The following PPP1R9A variants were observed in gnomAD, a reference collection of about 807,000 sequenced individuals.
PPP1R9A encodes neurabin-1.
PPP1R9A carries 59 observed loss-of-function variants against 141.9 expected under a neutral mutation model. The ratio of observed to expected loss-of-function variants is 0.42; its 90% CI spans 0.34 to 0.52. PPP1R9A has a LOEUF of 0.52. Ranked by LOEUF, PPP1R9A falls within the 20% of genes least tolerant of loss-of-function variation. The pLI, the probability that PPP1R9A is intolerant of heterozygous loss-of-function variation, is 0.10. For synonymous variants in PPP1R9A, 500 were observed against 569.7 expected, an observed-to-expected ratio of 0.88 and a Z score of 1.74; for missense variants, 1,444 against 1,611.9, an observed-to-expected ratio of 0.90 and a Z score of 1.78.
At position 95,050,070 on chromosome 7, in the gene PPP1R9A, A is replaced by C. The variant is rs75820009; in HGVS notation, c.1396-61189A>C. Reference sequence around the variant, plus strand: ...GTTAGAGTATATTTAGTTTTGTACAAAATTGCCAAACTGTCTTCCAAAGTG... The same window carrying C: ...GTTAGAGTATATTTAGTTTTGTACACAATTGCCAAACTGTCTTCCAAAGTG... On this transcript the variant is annotated intron_variant, in intron 2 of 19. Transcript: ENST00000433360. Among the ~76,000 whole-genome samples, 341 of 152,296 alleles carry C rather than the reference A, an allele frequency of 2.2e-3. 4 individuals are homozygous for C. The highest frequency in any genetic ancestry group is 7.6e-3 in the African/African-American group (316 of 41,564).
chr7:95,275,047 G>T (rs1333803885), intron 16 of PPP1R9A, among the ~76,000 whole-genome samples: 1 of 152,122 alleles, frequency 6.6e-6, no homozygotes, highest in Non-Finnish European at 1.5e-5. Context: ...TGCCATTACT[G>T]TTACCTTATT....
chr7:95,205,011 C>T (rs985710286), intron 7 of PPP1R9A, among the ~76,000 whole-genome samples: 2 of 151,662 alleles, frequency 1.3e-5, no homozygotes, highest in Non-Finnish European at 2.9e-5. Flanking sequence ...ACACACCACA[C>T]ACACGCCACA....
chr7:94,941,638 G>A (rs369716782), intron 2 of PPP1R9A, among the ~76,000 whole-genome samples: 29 of 151,422 alleles, frequency 1.9e-4, no homozygotes, highest in African/African-American at 6.3e-4. Context: ...AGGCTGACCC[G>A]TTTCTCAAAA....
chr7:95,177,344 C>A (rs1833049379), intron 5 of PPP1R9A, among the ~76,000 whole-genome samples: 2 of 152,010 alleles, frequency 1.3e-5, no homozygotes, highest in South Asian at 4.2e-4. Flanking sequence ...TAACAAGCCA[C>A]CACTACAAGA....
rs1798160298 is a variant in PPP1R9A, at chr7:94,965,917, G to A, written c.1395+54409G>A. 2.0e-5 allele frequency among the ~76,000 whole-genome samples: 3 copies of A among 152,054 alleles called. 1 individual carries two copies. In the South Asian group the frequency reaches 6.2e-4, roughly 32 times the overall value. ...TCTATAAATTACTTTGGGCAGTATG[G>A]CCATTTTCACAATGTTGATTCTTCC... On this transcript the variant is annotated intron_variant, in intron 2 of 19. Coordinates refer to ENST00000433360, the MANE Select transcript of PPP1R9A (RefSeq NM_001166160.2).
rs148709163 is a variant in PPP1R9A, at chr7:94,964,144, G to T, written c.1395+52636G>T. On this transcript the variant is annotated intron_variant, in intron 2 of 19. Transcript: ENST00000433360. ...GTGCTCAAAATGTTTTGAATTTCTG[G>T]GTTAGGGTTGCCCAAACTGTACCAT... Among the ~76,000 whole-genome samples the T allele has an allele frequency of 3.6e-3, 554 of 152,110 alleles. 3 individuals carry two copies. Among genetic ancestry groups the T allele is most frequent in the African/African-American group, 0.013 (519 of 41,500 alleles).
intron 19 of PPP1R9A, 32 bp downstream of exon 19, chr7:95,288,750 A>T (rs1170483955): frequency 6.2e-7 from 1 of 1,602,736 alleles, no homozygotes. Context: ...TTAGGTTACC[A>T]GGTATAATTT....
intron 16 of PPP1R9A, among the ~76,000 whole-genome samples, chr7:95,274,904 A>C (rs930629340): frequency 6.6e-6 from 1 of 152,160 alleles, no homozygotes; most frequent in Non-Finnish European, 1.5e-5. Flanking sequence ...CTCATGTAAA[A>C]TGAGAGTAAT....
At chr7:95,200,233 C>A (rs1789241996) in intron 6 of PPP1R9A, among the ~76,000 whole-genome samples, 1 of 151,732 alleles carries the variant, frequency 6.6e-6, no homozygotes, top group Non-Finnish European at 1.5e-5. Flanking sequence ...AGGCGCTGAT[C>A]ACATTCATCC....
intron 2 of PPP1R9A, among the ~76,000 whole-genome samples, chr7:94,942,463 T>C (rs778075448): frequency 9.2e-5 from 14 of 152,154 alleles, no homozygotes; most frequent in Non-Finnish European, 1.9e-4. Context: ...AAATAAAGGT[T>C]TATTGAATAC....
intron 2 of PPP1R9A, among the ~76,000 whole-genome samples, chr7:94,979,362 G>A (rs889897133): frequency 6.6e-6 from 1 of 152,194 alleles, no homozygotes; most frequent in Non-Finnish European, 1.5e-5. Flanking sequence ...TTATAGGAGA[G>A]TGTAGCTGTT....
chr7:94,957,888 C>T (rs1797235211), intron 2 of PPP1R9A, among the ~76,000 whole-genome samples: 1 of 151,982 alleles, frequency 6.6e-6, no homozygotes, highest in African/African-American at 2.4e-5. Flanking sequence ...TATGAGAAAG[C>T]AACTATATAT....
chr7:95,177,403 A>G (rs1833058669), intron 5 of PPP1R9A, among the ~76,000 whole-genome samples: 1 of 152,184 alleles, frequency 6.6e-6, no homozygotes, highest in Non-Finnish European at 1.5e-5. Context: ...GAAACGCATC[A>G]AAACAAAATG....
intron 2 of PPP1R9A, among the ~76,000 whole-genome samples, chr7:95,039,359 A>G (rs1808887949): frequency 6.6e-6 from 1 of 152,026 alleles, no homozygotes; most frequent in African/African-American, 2.4e-5. Flanking sequence ...ACTTCAGGTC[A>G]GGAGTTCAAG....
intron 2 of PPP1R9A, among the ~76,000 whole-genome samples, chr7:94,924,361 G>A (rs1219761943): frequency 6.6e-6 from 1 of 152,076 alleles, no homozygotes; most frequent in Non-Finnish European, 1.5e-5. Context: ...TCTGTATAAC[G>A]AGTTCTGTGA....
Position 95,274,101 on chromosome 7 carries a change from A to G in PPP1R9A, c.3229A>G (p.Asn1077Asp). The change falls in exon 16 of 20, where the codon AAT (asparagine) becomes GAT (aspartate). Residue 1077 changes from asparagine to aspartate, a missense_variant. By Grantham distance (23) the Asn-to-Asp change is conservative (BLOSUM62 1). Transcript: ENST00000433360. ...FVDLGAPLRRNSSKGKKWKEK... is the reference protein window; with the variant it reads ...FVDLGAPLRRDSSKGKKWKEK... ...TCATTACAGGGCGCCTTTGCGAAGG[A>G]ATTCCAGCAAGGGAAAGAAGTGGAA... 3 of 1,583,252 alleles carry G rather than the reference A, an allele frequency of 1.9e-6. No individual in the cohort carries two copies. In the South Asian group the frequency reaches 3.4e-5, roughly 18 times the overall value.
In PPP1R9A at chr7:95,028,554, G is replaced by A. The variant is rs191897404; in HGVS notation, c.1396-82705G>A. Among the ~76,000 whole-genome samples the A allele has an allele frequency of 6.5e-3, 983 of 152,258 alleles. 12 individuals are homozygous for A. Among genetic ancestry groups the A allele is most frequent in the African/African-American group, 0.023 (938 of 41,550 alleles). On this transcript the variant is annotated intron_variant, in intron 2 of 19. Coordinates refer to ENST00000433360, the MANE Select transcript of PPP1R9A (RefSeq NM_001166160.2). ...AGGTAAGTTTTATTAGAAATCGTGT[G>A]ATGGAATAAATATTAGGTAACATTT...
intron 4 of PPP1R9A, among the ~76,000 whole-genome samples, chr7:95,129,276 G>A (rs1033742032): frequency 6.6e-6 from 1 of 152,062 alleles, no homozygotes; most frequent in African/African-American, 2.4e-5. Flanking sequence ...GGGGGTGGAG[G>A]CATTCCTACA....
At chr7:95,248,106 T>C (rs920930358) in intron 9 of PPP1R9A, among the ~76,000 whole-genome samples, 1 of 150,928 alleles carries the variant, frequency 6.6e-6, no homozygotes, top group African/African-American at 2.4e-5. Context: ...TATATTTTCA[T>C]TGACAAACTT....
Sources: gnomAD v4.1 joint callset for allele counts (sites outside exome capture counted in the v4.1 genomes callset) on GRCh38, gnomAD v4.1.1 for gene constraint, MANE v1.5 for transcripts, NCBI Gene and HGNC (gene_info 2026-07-23, HGNC 2026-07-21) for gene names.